The following ATRNL1 variants were observed in gnomAD, a reference collection of about 807,000 sequenced individuals.
The protein encoded by ATRNL1 is attractin like 1.
Under a neutral mutation model 182.7 loss-of-function variants are expected in ATRNL1, and 95 were observed. That is an observed-to-expected ratio of 0.52 (90% CI 0.44 to 0.62). ATRNL1 has a LOEUF of 0.62. ATRNL1 is among the 20% of genes least tolerant of loss of function. The pLI, the probability that ATRNL1 is intolerant of heterozygous loss-of-function variation, is 0.00. For missense variants in ATRNL1, 1,471 were observed against 1,679.5 expected, an observed-to-expected ratio of 0.88 and a Z score of 2.17; for synonymous variants, 576 against 568.3, an observed-to-expected ratio of 1.01 and a Z score of -0.19.
chr10:115,518,493 G>C (rs1186136525), intron 24 of ATRNL1, among the ~76,000 whole-genome samples: 1 of 151,772 alleles, frequency 6.6e-6, no homozygotes, highest in African/African-American at 2.4e-5. Context: ...ACTTTTACAT[G>C]CCAGAAATTA....
intron 9 of ATRNL1, among the ~76,000 whole-genome samples, chr10:115,219,665 G>A (rs781857241): frequency 6.6e-6 from 1 of 152,302 alleles, no homozygotes; most frequent in African/African-American, 2.4e-5. Flanking sequence ...CACTTTGTGA[G>A]GCAGAGGCAG....
At chr10:115,886,789 G>A (rs540945069) in intron 28 of ATRNL1, among the ~76,000 whole-genome samples, 1 of 152,184 alleles carries the variant, frequency 6.6e-6, no homozygotes, top group Admixed American at 6.5e-5. Flanking sequence ...TTCTCAATTT[G>A]GGTTACATTG....
chr10:115,729,619 A>G (rs1424694078), intron 27 of ATRNL1, among the ~76,000 whole-genome samples: 2 of 151,312 alleles, frequency 1.3e-5, no homozygotes, highest in African/African-American at 4.9e-5. Flanking sequence ...AGAATATTGC[A>G]TATTCTATTT....
At chr10:115,310,810 A>G (rs1031045778) in intron 17 of ATRNL1, among the ~76,000 whole-genome samples, 2 of 151,966 alleles carry the variant, frequency 1.3e-5, no homozygotes, top group African/African-American at 2.4e-5. Context: ...GTTGCTTTCA[A>G]TTTTATTTAG....
At chr10:115,183,350 A>C (rs1847818900) in intron 8 of ATRNL1, among the ~76,000 whole-genome samples, 4 of 151,538 alleles carry the variant, frequency 2.6e-5, no homozygotes, top group Admixed American at 2.6e-4. Context: ...ATTTTTGCAT[A>C]ACTTTTTATA....
chr10:115,228,402 G>A (rs532101756), intron 9 of ATRNL1, among the ~76,000 whole-genome samples: 76 of 152,278 alleles, frequency 5.0e-4, no homozygotes, highest in African/African-American at 1.8e-3. Context: ...TAACTTTGGT[G>A]TAATGATTTT....
intron 8 of ATRNL1, among the ~76,000 whole-genome samples, chr10:115,206,735 G>A (rs1292417686): frequency 3.3e-5 from 5 of 151,860 alleles, no homozygotes; most frequent in African/African-American, 4.8e-5. Flanking sequence ...TGTGCACAAC[G>A]TGCAGGTTTG....
intron 13 of ATRNL1, among the ~76,000 whole-genome samples, chr10:115,277,181 TAAGA>T (rs1454149866): frequency 2.6e-5 from 4 of 151,982 alleles, no homozygotes. Context: ...CAAATAACAA[TAAGA>T]AAGTATGTTT....
chr10:115,418,980 C>T (rs1208718871), intron 20 of ATRNL1, among the ~76,000 whole-genome samples: 1 of 152,130 alleles, frequency 6.6e-6, no homozygotes, highest in Non-Finnish European at 1.5e-5. Flanking sequence ...AGAATACTTA[C>T]ATTGATTGTT....
At chr10:115,373,203 G>A (rs968229857) in intron 19 of ATRNL1, among the ~76,000 whole-genome samples, 1 of 151,824 alleles carries the variant, frequency 6.6e-6, no homozygotes, top group Non-Finnish European at 1.5e-5. Flanking sequence ...GCTGATTTTT[G>A]TATGTTCATT....
chr10:115,210,589 T>C (rs892491920), intron 8 of ATRNL1, among the ~76,000 whole-genome samples: 3 of 151,972 alleles, frequency 2.0e-5, no homozygotes, highest in Non-Finnish European at 4.4e-5. Flanking sequence ...AATTTTGATA[T>C]ATTAGTGACT....
chr10:115,152,975 CAT>C (rs1293777182), intron 5 of ATRNL1, among the ~76,000 whole-genome samples: 4 of 152,048 alleles, frequency 2.6e-5, no homozygotes, highest in Non-Finnish European at 5.9e-5. Context: ...TTGAGATAAT[CAT>C]GTGGTTTTTG....
chr10:115,462,074 G>A, intron 22 of ATRNL1, 39 bp downstream of exon 22: 1 of 1,450,184 alleles, frequency 6.9e-7, no homozygotes, highest in Non-Finnish European at 9.4e-7. Flanking sequence ...ATAATTATTG[G>A]ACACAATTTT....
intron 19 of ATRNL1, among the ~76,000 whole-genome samples, chr10:115,378,311 G>A (rs976927045): frequency 6.6e-6 from 1 of 152,172 alleles, no homozygotes; most frequent in African/African-American, 2.4e-5. Context: ...CCATCTGTAG[G>A]TCCCTGGGAA....
At chr10:115,382,964 T>G (rs1858110683) in intron 19 of ATRNL1, among the ~76,000 whole-genome samples, 2 of 152,048 alleles carry the variant, frequency 1.3e-5, no homozygotes, top group Non-Finnish European at 2.9e-5. Flanking sequence ...TCCATTGATA[T>G]GCATTGTATA....
At chr10:115,426,704 A>T (rs1314468923) in intron 21 of ATRNL1, among the ~76,000 whole-genome samples, 1 of 152,118 alleles carries the variant, frequency 6.6e-6, no homozygotes, top group African/African-American at 2.4e-5. Context: ...GGTACTGATT[A>T]TATGGTAGGT....
intron 9 of ATRNL1, among the ~76,000 whole-genome samples, chr10:115,230,120 A>G (rs1225376479): frequency 6.6e-6 from 1 of 152,182 alleles, no homozygotes; most frequent in Non-Finnish European, 1.5e-5. Context: ...AATTTTGCAT[A>G]AATTGTTTAT....
At chr10:115,626,390 T>A (rs1237691328) in intron 26 of ATRNL1, among the ~76,000 whole-genome samples, 5 of 152,194 alleles carry the variant, frequency 3.3e-5, no homozygotes, top group African/African-American at 1.2e-4. Context: ...TACTTAGAGG[T>A]AATAGTAATT....
chr10:115,523,577 A>G (rs73373335), intron 25 of ATRNL1, among the ~76,000 whole-genome samples: 4,205 of 152,266 alleles, frequency 0.028, 225 homozygotes, highest in African/African-American at 0.097. Context: ...AAGCAGCCAC[A>G]TTACTTCTTG....
Sources: gnomAD v4.1 joint callset for allele counts (sites outside exome capture counted in the v4.1 genomes callset) on GRCh38, gnomAD v4.1.1 for gene constraint, MANE v1.5 for transcripts, NCBI Gene and HGNC (gene_info 2026-07-23, HGNC 2026-07-21) for gene names.